Variants in NID1 observed in about 807,000 individuals in gnomAD.
The protein encoded by NID1 is nidogen 1.
A neutral mutation model predicts 130.6 loss-of-function variants in NID1; 76 were observed. That is an observed-to-expected ratio of 0.58 (90% CI 0.48 to 0.70). The LOEUF (loss-of-function observed/expected upper bound fraction) is 0.70, where lower values mean the gene tolerates loss of function less well. NID1 is among the 30% of genes least tolerant of loss of function. NID1 has a pLI of 0.00. For synonymous variants in NID1, 665 were observed against 675.1 expected (o/e 0.98, Z 0.23); for missense variants, 1,517 against 1,664.8 (o/e 0.91, Z 1.54).
rs533533186 is a variant in NID1 at position 236,014,088 on chromosome 1, T to C, written c.2255-528A>G. On this transcript the variant is annotated intron_variant, in intron 10 of 19. Transcript: ENST00000264187. ...CCAAGGAAGGACAAATAAATGTTTCTAAGGCAGGGAGACAGCTATGGTTGG... is the reference window on the plus strand; with the variant it reads ...CCAAGGAAGGACAAATAAATGTTTCCAAGGCAGGGAGACAGCTATGGTTGG... Among the ~76,000 whole-genome samples the C allele has an allele frequency of 1.2e-3, 181 of 152,318 alleles. 1 individual carries two copies. Among genetic ancestry groups the C allele is most frequent in the African/African-American group, 4.1e-3 (170 of 41,570 alleles).
chr1:236,032,310 G>T (rs538072827), intron 6 of NID1, 91 bp downstream of exon 6: 42 of 1,495,412 alleles, frequency 2.8e-5, no homozygotes, highest in Non-Finnish European at 3.4e-5. Context: ...TAAGTTGTCT[G>T]CAGACTCAGA....
intron 1 of NID1, among the ~76,000 whole-genome samples, chr1:236,064,376 A>G (rs1276202671): frequency 6.6e-6 from 1 of 152,218 alleles, no homozygotes; most frequent in Admixed American, 6.5e-5. Context: ...CAAATACAGG[A>G]GGCTGCCGGC....
chr1:235,997,237 T>C (rs1222543691), intron 12 of NID1, among the ~76,000 whole-genome samples: 1 of 152,192 alleles, frequency 6.6e-6, no homozygotes, highest in Non-Finnish European at 1.5e-5. Flanking sequence ...TATTTTCGGC[T>C]TTGTGGGCCA....
At chr1:235,987,412 T>A (rs1657605248) in intron 14 of NID1, among the ~76,000 whole-genome samples, 1 of 152,242 alleles carries the variant, frequency 6.6e-6, no homozygotes, top group South Asian at 2.1e-4. Context: ...AATTTAGCCA[T>A]TGGGAGAAAC....
chr1:235,978,076 T>C, intron 19 of NID1, 88 bp from the exon 20 acceptor site: 1 of 1,499,128 alleles, frequency 6.7e-7, no homozygotes, highest in Non-Finnish European at 9.1e-7. Context: ...TTGTGTGTGA[T>C]CCCCCTTTTA....
intron 11 of NID1, among the ~76,000 whole-genome samples, chr1:236,012,435 G>A (rs957171425): frequency 2.0e-5 from 3 of 151,920 alleles, no homozygotes; most frequent in Admixed American, 6.6e-5. Context: ...ACACGTGCCT[G>A]TAATCCCAGC....
chr1:236,041,850 C>G (rs557331274), intron 4 of NID1, 60 bp downstream of exon 4: 2 of 1,546,912 alleles, frequency 1.3e-6, no homozygotes, highest in Non-Finnish European at 8.7e-7. Flanking sequence ...CCCAGCAGTA[C>G]GCCTGTCTGG....
intron 11 of NID1, among the ~76,000 whole-genome samples, chr1:236,012,964 C>T (rs560849207): frequency 6.6e-6 from 1 of 152,332 alleles, no homozygotes; most frequent in African/African-American, 2.4e-5. Context: ...TATACTTTGA[C>T]TCCGCAGTCA....
intron 11 of NID1, 54 bp from the exon 12 acceptor site, chr1:236,012,097 G>A: frequency 6.3e-7 from 1 of 1,589,344 alleles, no homozygotes; most frequent in Non-Finnish European, 8.6e-7. Flanking sequence ...GGAATTCGTA[G>A]TTTACCCAAT....
In NID1 at chr1:235,985,487, G is replaced by T. The variant is rs140746746; in HGVS notation, c.2947C>A (p.Leu983Met). 9.2e-4 allele frequency: 1,482 copies of T among 1,614,148 alleles called. 4 individuals carry two copies. The highest frequency in any genetic ancestry group is 1.2e-3 in the Non-Finnish European group (1,371 of 1,179,988). Residue 983 changes from leucine to methionine, a missense_variant, in exon 15 of 20, where the codon CTG (leucine) becomes ATG (methionine). Physicochemically the swap from Leu to Met is conservative, Grantham distance 15 (BLOSUM62 2). Around this residue, in one of 3 missense-constraint regions of NID1, gnomAD observed 1,329 missense variants for 1,429.2 expected, o/e 0.93. Transcript: ENST00000264187. ...ATCTTGTCCACGCAGTCAAAGGCCA[G>T]TCCAATGATGACTTTAGCCTGGATG... The part of the protein sequence containing the change: ...LHVPAKVIIG[L>M]AFDCVDKMVY...
Position 235,977,703 on chromosome 1 carries a change from G to T in NID1, c.*164C>A, listed in dbSNP as rs1033629067. ...CTTTTCTATTAGAGAAGTCCAGGGTGCATGTTTTGGGGAACAGTGAGGGAA... is the reference window on the plus strand; with the variant it reads ...CTTTTCTATTAGAGAAGTCCAGGGTTCATGTTTTGGGGAACAGTGAGGGAA... On this transcript the variant is annotated 3_prime_UTR_variant, in exon 20 of 20. Transcript: ENST00000264187. 14 of 687,280 alleles carry T rather than the reference G, an allele frequency of 2.0e-5. No individual in the cohort carries two copies. The African/African-American group carries it at 2.3e-4, about 11-fold the overall frequency. 42.6% of individuals were successfully genotyped at this position (687,280 alleles called of 1,614,324 possible).
chr1:236,065,058 T>A lies in NID1; in HGVS notation c.22A>T (p.Ile8Phe), dbSNP rs1019082180. Residue 8 changes from isoleucine (I) to phenylalanine (F), a missense_variant, in exon 1 of 20, where the codon ATC (isoleucine) becomes TTC (phenylalanine). Transcript: ENST00000264187. This position sits in a 1 kb window ranked among gnomAD's most constrained non-coding sequence, Gnocchi z 4.1. ...AGCGCCCGCGTCCACGCAGCCCGGA[T>A]CCGGCTGCTCGAGGCCAACATGTTC... MLASSSR[I>F]RAAWTRALLL... The A allele has an allele frequency of 6.4e-7, 1 of 1,551,496 alleles. No individual in the cohort carries two copies. The highest frequency in any genetic ancestry group is 8.7e-7 in the Non-Finnish European group (1 of 1,147,606).
Position 236,026,136 on chromosome 1 carries a change from TGATC to T in NID1, c.1740_1743del (p.Ile581LeufsTer10), listed in dbSNP as rs1390736365. 1 of 1,613,476 alleles carries T rather than the reference TGATC, an allele frequency of 6.2e-7. No homozygotes were observed. The highest frequency in any genetic ancestry group is 8.5e-7 in the Non-Finnish European group (1 of 1,179,830). On this transcript the variant is annotated frameshift_variant and splice_region_variant, in exon 8 of 20. Transcript: ENST00000264187. LOFTEE classifies it high-confidence loss of function. ...GTGTACTCCCGGGTGGAGGAGGAAG[TGATC>T]ACTGCAGAGTGGGAAGGATGGAGGG...
chr1:236,041,212 C>T (rs1047609866), intron 4 of NID1, among the ~76,000 whole-genome samples: 3 of 152,050 alleles, frequency 2.0e-5, no homozygotes, highest in Admixed American at 6.5e-5. Context: ...GGACTACAGG[C>T]GTGTGTCACC....
chr1:236,039,211 A>G (rs1659372715), intron 4 of NID1, among the ~76,000 whole-genome samples: 1 of 146,992 alleles, frequency 6.8e-6, no homozygotes, highest in African/African-American at 2.5e-5. Flanking sequence ...TACAGTATAT[A>G]CTACATATAA....
chr1:236,026,963 A>G (rs1658950757), intron 7 of NID1, among the ~76,000 whole-genome samples: 2 of 151,244 alleles, frequency 1.3e-5, no homozygotes, highest in African/African-American at 4.9e-5. Flanking sequence ...CTGGTCTTGA[A>G]CTCCTGACCT....
At chr1:235,992,003 C>A (rs941555177) in intron 13 of NID1, among the ~76,000 whole-genome samples, 1 of 152,190 alleles carries the variant, frequency 6.6e-6, no homozygotes, top group Non-Finnish European at 1.5e-5. Context: ...GACCTCAACC[C>A]CTCGCCGGGC....
chr1:236,024,264 G>A, intron 8 of NID1, 51 bp from the exon 9 acceptor site: 2 of 1,599,186 alleles, frequency 1.3e-6, no homozygotes, highest in Non-Finnish European at 1.7e-6. Flanking sequence ...AGCTCTTGCA[G>A]GTTTCCTCCT....
At chr1:236,014,368 G>A (rs974588901) in intron 10 of NID1, among the ~76,000 whole-genome samples, 6 of 152,150 alleles carry the variant, frequency 3.9e-5, no homozygotes, top group African/African-American at 7.2e-5. Flanking sequence ...AATGATTTGT[G>A]TTCTGACATT....
Sources: allele counts gnomAD v4.1 joint callset (sites outside exome capture counted in the v4.1 genomes callset), GRCh38; gene constraint gnomAD v4.1.1; regional missense constraint gnomAD v4.1.1; non-coding constraint Gnocchi (gnomAD v3.1); transcripts MANE v1.5; gene names NCBI Gene and HGNC (gene_info 2026-07-23, HGNC 2026-07-21).